BBS2: variants seen among roughly 807,000 people sequenced by gnomAD.
BBS2 encodes the protein Bardet-Biedl syndrome 2, also known as BBSome complex member BBS2.
BBS2 carries 62 observed loss-of-function variants against 83.0 expected under a neutral mutation model. The ratio of observed to expected loss-of-function variants is 0.75; its 90% CI spans 0.61 to 0.92. The LOEUF (loss-of-function observed/expected upper bound fraction) is 0.92. Among genes scored for constraint, BBS2 ranks in the 40% least tolerant of loss-of-function variants. BBS2 has a pLI of 0.00. For missense variants in BBS2, 784 were observed against 901.0 expected, an observed-to-expected ratio of 0.87 and a Z score of 1.66; for synonymous variants, 303 against 326.1, an observed-to-expected ratio of 0.93 and a Z score of 0.76.
At chr16:56,497,641 G>A in intron 14 of BBS2, 102 bp downstream of exon 14, 1 of 1,525,776 alleles carries the variant, frequency 6.6e-7, no homozygotes, top group Non-Finnish European at 9.0e-7. Flanking sequence ...AAAAATTCTT[G>A]AAAACATCAC....
At position 56,509,939 on chromosome 16, in the gene BBS2, C is replaced by T. The variant is rs200364314; in HGVS notation, c.612+18G>A. 1.9e-4 allele frequency: 303 copies of T among 1,612,512 alleles called. No homozygotes were observed. The highest frequency in any genetic ancestry group is 2.4e-4 in the Non-Finnish European group (278 of 1,178,786). ...TATCTTGCTCAAGGTTACCATAGTTCGAGGTGGAGCTTCTTACCTCTGTTT... is the reference window on the plus strand; with the variant it reads ...TATCTTGCTCAAGGTTACCATAGTTTGAGGTGGAGCTTCTTACCTCTGTTT... On this transcript the variant is annotated intron_variant, in intron 5 of 16. Transcript: ENST00000245157.
intron 17 of BBS2, chr16:56,474,902 A>G (rs769110876): frequency 6.2e-7 from 1 of 1,613,864 alleles, no homozygotes; most frequent in South Asian, 1.1e-5. Context: ...TCATGACCAT[A>G]GCAAGGCTGA....
chr16:56,477,471 G>A (rs750603388), intron 17 of BBS2: 1 of 152,224 alleles, frequency 6.6e-6, no homozygotes, highest in Non-Finnish European at 1.5e-5. Flanking sequence ...TGTGGCCTGT[G>A]TATAATTAAA....
chr16:56,480,359 A>AAAAC (rs57856133), downstream of BBS2, among the ~76,000 whole-genome samples: 298 of 142,854 alleles, frequency 2.1e-3, 3 homozygotes, highest in African/African-American at 6.6e-3. Context: ...ACACAAAAAA[A>AAAAC]AAAAAACAAA....
At position 56,497,585 on chromosome 16, in the gene BBS2, G is replaced by A. The variant is rs1309779767; in HGVS notation, c.1797+158C>T. On this transcript the variant is annotated intron_variant, in intron 14 of 16. Coordinates refer to ENST00000245157, the MANE Select transcript of BBS2 (RefSeq NM_031885.5). ...TTCCTTTTATAAAATAAATCCTTAA[G>A]TAGTAAACTCTCCAATACTAGTTCA... 5.5e-6 allele frequency: 5 copies of A among 912,384 alleles called. No individual in the cohort carries two copies. The African/African-American group carries it at 6.6e-5, about 12-fold the overall frequency. 56.5% of individuals were successfully genotyped at this position (912,384 alleles called of 1,614,324 possible). A position where few individuals can be genotyped will look rare whatever the true frequency, so the allele number is the denominator to read the frequency against.
intron 5 of BBS2, chr16:56,509,464 C>A (rs756685446): frequency 1.2e-5 from 2 of 170,408 alleles, no homozygotes; most frequent in Non-Finnish European, 2.5e-5. Flanking sequence ...ATCGCACCAC[C>A]GCACTCCAGC....
downstream of BBS2, among the ~76,000 whole-genome samples, chr16:56,479,433 G>A (rs917256654): frequency 2.6e-5 from 4 of 152,124 alleles, no homozygotes; most frequent in Non-Finnish European, 4.4e-5. Flanking sequence ...AGCCGAGATC[G>A]CACCACTGCA....
chr16:56,482,812 G>A (rs1963684973), downstream of BBS2, among the ~76,000 whole-genome samples: 1 of 152,086 alleles, frequency 6.6e-6, no homozygotes, highest in Non-Finnish European at 1.5e-5. Flanking sequence ...AAATACCAGC[G>A]TTCCTACAGG....
chr16:56,504,923 A>G (rs1964382374), intron 7 of BBS2, among the ~76,000 whole-genome samples: 1 of 152,216 alleles, frequency 6.6e-6, no homozygotes, highest in Non-Finnish European at 1.5e-5. Context: ...GCCCCCATGA[A>G]CAGGATTAGT....
In BBS2 at chr16:56,519,735, G is replaced by C. The variant is rs1567588665; in HGVS notation, c.117+11C>G. The C allele has an allele frequency of 6.2e-7, 1 of 1,607,190 alleles. No homozygotes were observed. The highest frequency in any genetic ancestry group is 1.7e-5 in the Admixed American group (1 of 59,958). On this transcript the variant is annotated intron_variant, in intron 1 of 16. Transcript: ENST00000245157. ...CTGGGGCCCGGGCTCCCTGCGGGTG[G>C]GAGCGGTTACCTTGCCCGTTTGGGT... is the stretch of plus-strand genomic sequence containing the variant.
intron 15 of BBS2, among the ~76,000 whole-genome samples, chr16:56,496,073 A>G (rs1964108403): frequency 6.6e-6 from 1 of 152,208 alleles, no homozygotes; most frequent in South Asian, 2.1e-4. Context: ...CAAAACCATT[A>G]TAATTATTTG....
intron 15 of BBS2, among the ~76,000 whole-genome samples, chr16:56,488,738 G>A (rs183509423): frequency 7.2e-5 from 11 of 151,792 alleles, no homozygotes; most frequent in Admixed American, 5.3e-4. Flanking sequence ...GGTTGGGAGA[G>A]GGGTGGGCAG....
chr16:56,493,936 T>C (rs985921154), intron 15 of BBS2, among the ~76,000 whole-genome samples: 1 of 152,110 alleles, frequency 6.6e-6, no homozygotes, highest in Non-Finnish European at 1.5e-5. Context: ...CAAATAGTTA[T>C]GTTGATACTG....
chr16:56,484,937 T>A, intron 16 of BBS2, 70 bp from the exon 17 acceptor site: 1 of 1,094,380 alleles, frequency 9.1e-7, no homozygotes, highest in African/African-American at 1.5e-5. Flanking sequence ...ACGTCAGTTT[T>A]AAAACAACAT....
At chr16:56,497,210 C>T (rs1386368899) in intron 14 of BBS2, 131 bp from the exon 15 acceptor site, 3 of 730,462 alleles carry the variant, frequency 4.1e-6, no homozygotes, top group Non-Finnish European at 5.0e-6. Flanking sequence ...AATTAAGCTA[C>T]TTCCCGTTAT....
chr16:56,493,006 T>TG (rs1352450727), intron 15 of BBS2, among the ~76,000 whole-genome samples: 1 of 151,328 alleles, frequency 6.6e-6, no homozygotes, highest in Non-Finnish European at 1.5e-5. Context: ...AGCCAGAAAA[T>TG]GGAGTACTAT....
At chr16:56,497,995 T>G in intron 13 of BBS2, 115 bp from the exon 14 acceptor site, 1 of 1,070,638 alleles carries the variant, frequency 9.3e-7, no homozygotes, top group Non-Finnish European at 1.4e-6. Flanking sequence ...TATATATATA[T>G]GCAGTGTTGA....
intron 7 of BBS2, among the ~76,000 whole-genome samples, chr16:56,505,196 T>G (rs1389111781): frequency 2.0e-5 from 3 of 152,268 alleles, no homozygotes; most frequent in Non-Finnish European, 4.4e-5. Context: ...CTTATAATTT[T>G]TAGTACCCAT....
intron 11 of BBS2, chr16:56,500,446 T>A (rs1964235415): frequency 4.0e-6 from 1 of 253,110 alleles, no homozygotes; most frequent in Admixed American, 5.2e-5. Context: ...GCCAACATGG[T>A]GAACTCCTGT....
Sources: allele counts gnomAD v4.1 joint callset (sites outside exome capture counted in the v4.1 genomes callset), GRCh38; gene constraint gnomAD v4.1.1; transcripts MANE v1.5; gene names NCBI Gene and HGNC (gene_info 2026-07-23, HGNC 2026-07-21).